LUZP4: variants seen among roughly 807,000 people sequenced by gnomAD.
LUZP4 encodes HOM-TES-85 tumor antigen.
In LUZP4, 11 loss-of-function variants were observed where a neutral mutation model predicts 8.5. That is an observed-to-expected ratio of 1.30 (90% CI 0.82 to 2.14). The LOEUF is 2.14. Ranked by LOEUF, LUZP4 falls within the 30% of genes most tolerant of loss-of-function variation. The probability of loss-of-function intolerance (pLI) is 0.00; values close to 1 mark genes in which losing one functional copy is unlikely to be tolerated. For missense variants in LUZP4, 276 were observed against 229.7 expected, an observed-to-expected ratio of 1.20 and a Z score of -1.30; for synonymous variants, 104 against 79.4, an observed-to-expected ratio of 1.31 and a Z score of -1.65.
At position 115,306,527 on chromosome X, in the gene LUZP4, CAG is replaced by C. The variant is rs781961059; in HGVS notation, c.671_672del (p.Arg224IlefsTer10). ...CACTCAGAGAGATCTCATGGTCACT[CAG>C]AGAGATCTCATGGTCACTCAAAGAG... On this transcript the variant is annotated frameshift_variant, in exon 4 of 4. Transcript: ENST00000371920. LOFTEE classifies it low-confidence loss of function (END_TRUNC). 1.7e-6 allele frequency: 2 copies of C among 1,209,827 alleles called. No individual in the cohort carries two copies. The highest frequency in any genetic ancestry group is 3.0e-5 in the East Asian group (1 of 33,756).
intron 1 of LUZP4, among the ~76,000 whole-genome samples, chrX:115,293,445 T>A (rs1468278172): frequency 9.2e-6 from 1 of 108,531 alleles, no homozygotes; most frequent in Non-Finnish European, 1.9e-5. Context: ...GCCCAGCTAA[T>A]TTTTTTGTAT....
In LUZP4 at chrX:115,289,735, T is replaced by C; in HGVS notation, c.-25T>C. ...GTGGTACACGCGCCCTACCTCGGAG[T>C]GTGTGGCGCCATGATGCAGGGAAGA... On this transcript the variant is annotated 5_prime_UTR_variant, in exon 1 of 4. Coordinates refer to ENST00000371920, the MANE Select transcript of LUZP4 (RefSeq NM_016383.5). The C allele has an allele frequency of 8.8e-7, 1 of 1,134,593 alleles. No homozygotes were observed. Among genetic ancestry groups the C allele is most frequent in the Non-Finnish European group, 1.2e-6 (1 of 827,057 alleles). The allele number at this position is 1,134,593 out of a possible 1,213,427, so 93.5% of individuals were successfully genotyped here. A position where few individuals can be genotyped will look rare whatever the true frequency, so the allele number is the denominator to read the frequency against.
chrX:115,293,660 A>C (rs1556597859), intron 1 of LUZP4, among the ~76,000 whole-genome samples: 1 of 110,911 alleles, frequency 9.0e-6, no homozygotes, highest in Non-Finnish European at 1.9e-5. Context: ...TATTTTTGAA[A>C]ATACTGTGAG....
chrX:115,304,942 G>A (rs1244711589), intron 3 of LUZP4, among the ~76,000 whole-genome samples: 1 of 111,884 alleles, frequency 8.9e-6, no homozygotes, highest in Non-Finnish European at 1.9e-5. Flanking sequence ...CTTATTATCA[G>A]TGGAACACAG....
chrX:115,291,276 T>G (rs781830248), intron 1 of LUZP4, among the ~76,000 whole-genome samples: 4 of 110,697 alleles, frequency 3.6e-5, no homozygotes, highest in Admixed American at 9.6e-5. Context: ...ATTTTTAAAT[T>G]TTTGTAGAGA....
At position 115,307,422 on chromosome X, in the gene LUZP4, A is replaced by G. The variant is rs1209141594; in HGVS notation, c.*618A>G. On this transcript the variant is annotated 3_prime_UTR_variant, in exon 4 of 4. Transcript: ENST00000371920. ...TTTATATATTCACTGTTGCCTTATA[A>G]AACTGTTAGGGTAGGTCTGTCTACC... 7 of 112,891 alleles carry G rather than the reference A, an allele frequency of 6.2e-5. No homozygotes were observed. Among genetic ancestry groups the G allele is most frequent in the African/African-American group, 1.6e-4 (5 of 30,725 alleles). The allele number at this position is 112,891 out of a possible 1,213,427, so 9.3% of individuals were successfully genotyped here. A position where few individuals can be genotyped will look rare whatever the true frequency, so the allele number is the denominator to read the frequency against.
At chrX:115,305,936 T>C (rs2073418084) in intron 3 of LUZP4, among the ~76,000 whole-genome samples, 1 of 111,681 alleles carries the variant, frequency 9.0e-6, no homozygotes, top group Non-Finnish European at 1.9e-5. Flanking sequence ...GAACATGACC[T>C]TAGAGTACAG....
At chrX:115,300,439 G>A (rs1435643372) in intron 1 of LUZP4, among the ~76,000 whole-genome samples, 1 of 112,617 alleles carries the variant, frequency 8.9e-6, no homozygotes, top group Non-Finnish European at 1.9e-5. Context: ...GAAAGTTTAC[G>A]AATTTGTGTT....
rs781796757 is a variant in LUZP4 at position 115,301,957 on chromosome X, C to T, written c.92-35C>T. ...ACTCGAGACATTATTTGGCTTTTGC[C>T]ATTTTATTCATTTTTTATGTATTTT... is the stretch of plus-strand genomic sequence containing the variant. On this transcript the variant is annotated intron_variant, in intron 1 of 3. Coordinates refer to ENST00000371920, the MANE Select transcript of LUZP4 (RefSeq NM_016383.5). 15 of 1,012,741 alleles carry T rather than the reference C, an allele frequency of 1.5e-5. No individual in the cohort carries two copies. In the African/African-American group the frequency reaches 3.0e-4, roughly 20 times the overall value. 83.5% of individuals were successfully genotyped at this position (1,012,741 alleles called of 1,213,427 possible).
At chrX:115,295,313 G>A in intron 1 of LUZP4, among the ~76,000 whole-genome samples, 1 of 111,682 alleles carries the variant, frequency 9.0e-6, no homozygotes, top group Non-Finnish European at 1.9e-5. Context: ...TCGTGGGCTC[G>A]AGCGATCTTC....
At chrX:115,304,628 C>G (rs1304660291) in intron 3 of LUZP4, among the ~76,000 whole-genome samples, 1 of 110,308 alleles carries the variant, frequency 9.1e-6, no homozygotes, top group East Asian at 2.8e-4. Flanking sequence ...CCTCCCACTT[C>G]AGCCTCCCAA....
At chrX:115,293,028 A>T (rs2073355221) in intron 1 of LUZP4, among the ~76,000 whole-genome samples, 1 of 110,863 alleles carries the variant, frequency 9.0e-6, no homozygotes, top group Non-Finnish European at 1.9e-5. Context: ...ATATTTGGTC[A>T]CTGGCCAGGG....
At chrX:115,297,216 C>G (rs1556599418) in intron 1 of LUZP4, among the ~76,000 whole-genome samples, 1 of 111,514 alleles carries the variant, frequency 9.0e-6, no homozygotes, top group African/African-American at 3.3e-5. Context: ...ATTGTACTAC[C>G]TATGTATTGA....
rs2073339147 is a variant in LUZP4, at chrX:115,289,768, G to A, written c.9G>A (p.Ser3=). The change falls in exon 1 of 4, where the codon TCG becomes TCA. Residue 3 remains serine, a synonymous_variant. Transcript: ENST00000371920. MA[S]FRKLTLSEKV... ...GCCATGATGCAGGGAAGATGGCTTC[G>A]TTTCGGAAGCTAACGCTTTCTGAAA... 1.7e-6 allele frequency: 2 copies of A among 1,207,892 alleles called. No homozygotes were observed. Among genetic ancestry groups the A allele is most frequent in the African/African-American group, 1.7e-5 (1 of 57,641 alleles).
intron 1 of LUZP4, among the ~76,000 whole-genome samples, chrX:115,294,768 G>A (rs1445702353): frequency 9.0e-6 from 1 of 111,624 alleles, no homozygotes; most frequent in African/African-American, 3.3e-5. Context: ...AAGGATACTG[G>A]AGAGTCTGCT....
chrX:115,306,719 A>T lies in LUZP4; in HGVS notation c.857A>T (p.Asp286Val), dbSNP rs2073424950. ...TQRDLVATER[D>V]LINQSGRSHG... ...AGAGATCTCGTGGCCACTGAGAGAG[A>T]TCTCATAAATCAGTCAGGGAGATCT... Residue 286 changes from aspartate (D) to valine (V), a missense_variant, in exon 4 of 4, where the codon GAT becomes GTT. Asp to Val is a radical substitution (Grantham distance 152). Coordinates refer to ENST00000371920, the MANE Select transcript of LUZP4 (RefSeq NM_016383.5). The T allele has an allele frequency of 8.3e-7, 1 of 1,208,471 alleles. No individual in the cohort carries two copies. Among genetic ancestry groups the T allele is most frequent in the African/African-American group, 1.8e-5 (1 of 56,810 alleles).
intron 1 of LUZP4, among the ~76,000 whole-genome samples, chrX:115,293,129 T>C (rs184837421): frequency 6.4e-4 from 71 of 111,664 alleles, no homozygotes; most frequent in African/African-American, 2.2e-3. Context: ...GGATAATTAA[T>C]ATTTTAATGA....
At chrX:115,304,780 T>C (rs1479281380) in intron 3 of LUZP4, among the ~76,000 whole-genome samples, 1 of 109,931 alleles carries the variant, frequency 9.1e-6, no homozygotes, top group East Asian at 2.8e-4. Flanking sequence ...GAGACTATCA[T>C]AGCTGAACTC....
At position 115,306,386 on chromosome X, in the gene LUZP4, G is replaced by T. The variant is rs916034489; in HGVS notation, c.524G>T (p.Arg175Ile). The change falls in exon 4 of 4, where the codon AGA (arginine) becomes ATA (isoleucine). Residue 175 changes from arginine (R) to isoleucine (I), a missense_variant. Transcript: ENST00000371920. The part of the protein sequence containing the change: ...HLERSLSQSD[R>I]SQGQLKRHHP... ...GAGAGATCTCTTTCTCAGTCAGACA[G>T]ATCTCAAGGGCAGCTAAAGAGACAT... 8.3e-7 allele frequency: 1 copy of T among 1,209,296 alleles called. No homozygotes were observed. The highest frequency in any genetic ancestry group is 1.8e-5 in the African/African-American group (1 of 57,022).
Sources: gnomAD v4.1 joint callset for allele counts (sites outside exome capture counted in the v4.1 genomes callset) on GRCh38, gnomAD v4.1.1 for gene constraint, MANE v1.5 for transcripts, NCBI Gene and HGNC (gene_info 2026-07-23, HGNC 2026-07-21) for gene names.